The following PI4KA variants were observed in gnomAD, a reference collection of about 807,000 sequenced individuals.
PI4KA encodes the protein phosphatidylinositol 4-kinase alpha, also known as PI4-kinase alpha.
Under a neutral mutation model 271.4 loss-of-function variants are expected in PI4KA, and 122 were observed. That is an observed-to-expected ratio of 0.45 (90% confidence interval 0.39 to 0.52). PI4KA has a LOEUF of 0.52. Among genes scored for constraint, PI4KA ranks in the 20% least tolerant of loss-of-function variants. The pLI is 0.00. For missense variants in PI4KA, 1,969 were observed against 2,769.1 expected (o/e 0.71, Z 6.48); for synonymous variants, 1,041 against 1,078.8 (o/e 0.96, Z 0.69).
rs558511801 is a variant in PI4KA, at chr22:20,831,937, C to T, written c.367+2625G>A. The stretch of plus-strand genomic sequence containing the variant: ...GTTTTCCAAGTTGCTTATTTTCTCT[C>T]TCCCTATCTTTCAGGGACACCAATG... On this transcript the variant is annotated intron_variant, in intron 3 of 54. Coordinates refer to ENST00000255882, the MANE Select transcript of PI4KA (RefSeq NM_058004.4). 2.0e-5 allele frequency among the ~76,000 whole-genome samples: 3 copies of T among 152,212 alleles called. No individual in the cohort carries two copies. The South Asian group carries it at 6.2e-4, about 32-fold the overall frequency.
At chr22:20,770,985 A>G (rs1226761103) in intron 19 of PI4KA, among the ~76,000 whole-genome samples, 1 of 152,042 alleles carries the variant, frequency 6.6e-6, no homozygotes, top group East Asian at 1.9e-4. Context: ...TTCAAGACCA[A>G]CTTGGCCAAC....
At position 20,733,730 on chromosome 22, in the gene PI4KA, G is replaced by A. The variant is rs778704197; in HGVS notation, c.4160+6C>T. 1 of 1,613,858 alleles carries A rather than the reference G, an allele frequency of 6.2e-7. No homozygotes were observed. The highest frequency in any genetic ancestry group is 1.1e-5 in the South Asian group (1 of 91,058). On this transcript the variant is annotated splice_donor_region_variant and intron_variant, in intron 35 of 54. Coordinates refer to ENST00000255882, the MANE Select transcript of PI4KA (RefSeq NM_058004.4). ...GGACGCTGCACAGCACATCTTGGGG[G>A]AGTACCTGAAGTAGTCAAAGGCAGT...
At chr22:20,783,439 A>T in intron 19 of PI4KA, among the ~76,000 whole-genome samples, 1 of 148,368 alleles carries the variant, frequency 6.7e-6, no homozygotes, top group African/African-American at 2.5e-5. Context: ...TACAATTAAA[A>T]AAAAAAAAAA....
In PI4KA at chr22:20,858,669, G is replaced by A. The variant is rs1189328407; in HGVS notation, c.57C>T (p.Cys19=). ...GCGAGGCGCTGGAGCCGGAGCCGGA[G>A]CAGCCGCCGCCGCCTCCGCCTCCGC... ...GGGGGGGGGG[C]SGSGSSASRG... The change falls in exon 1 of 55, where the codon TGC becomes TGT. Residue 19 remains cysteine (C), a synonymous_variant. Coordinates refer to ENST00000255882, the MANE Select transcript of PI4KA (RefSeq NM_058004.4). 19 of 1,477,584 alleles carry A rather than the reference G, an allele frequency of 1.3e-5. No individual in the cohort carries two copies. Among genetic ancestry groups the A allele is most frequent in the East Asian group, 8.8e-5 (3 of 34,202 alleles). 91.5% of individuals were successfully genotyped at this position (1,477,584 alleles called of 1,614,324 possible).
intron 3 of PI4KA, among the ~76,000 whole-genome samples, chr22:20,829,378 T>C (rs1466002096): frequency 6.6e-6 from 1 of 152,184 alleles, no homozygotes; most frequent in African/African-American, 2.4e-5. Flanking sequence ...CTGGGTTTAG[T>C]CTTGGTAGGT....
intron 19 of PI4KA, chr22:20,787,162 A>G (rs1934313484): frequency 8.9e-7 from 1 of 1,118,264 alleles, no homozygotes; most frequent in Non-Finnish European, 1.3e-6. Flanking sequence ...TCATTTACGT[A>G]GTTTACGCTA....
intron 19 of PI4KA, among the ~76,000 whole-genome samples, chr22:20,771,328 C>T (rs1194098813): frequency 6.6e-6 from 1 of 151,498 alleles, no homozygotes; most frequent in Non-Finnish European, 1.5e-5. Context: ...GAGGCTGAGG[C>T]AGGAGAATGG....
At chr22:20,784,366 A>C in intron 19 of PI4KA, 6 of 1,312,198 alleles carry the variant, frequency 4.6e-6, no homozygotes, top group Non-Finnish European at 3.2e-6. Flanking sequence ...AAGAACTTCC[A>C]TACAGGGCCA....
chr22:20,750,832 A>G (rs143753339), intron 27 of PI4KA, among the ~76,000 whole-genome samples: 122 of 152,314 alleles, frequency 8.0e-4, no homozygotes, highest in African/African-American at 2.7e-3. Flanking sequence ...GACCCAGTAC[A>G]TCCTCCTCTT....
intron 9 of PI4KA, among the ~76,000 whole-genome samples, chr22:20,809,287 TA>T (rs1240401881): frequency 6.6e-6 from 1 of 152,118 alleles, no homozygotes; most frequent in Non-Finnish European, 1.5e-5. Flanking sequence ...TCCCCATATG[TA>T]AACTGGGGAT....
intron 7 of PI4KA, among the ~76,000 whole-genome samples, chr22:20,817,241 A>C (rs1921923668): frequency 6.6e-6 from 1 of 152,112 alleles, no homozygotes; most frequent in African/African-American, 2.4e-5. Flanking sequence ...CTTTTAACAA[A>C]TAGCATTATT....
chr22:20,854,153 G>A (rs548287320), intron 1 of PI4KA, among the ~76,000 whole-genome samples: 59 of 152,166 alleles, frequency 3.9e-4, no homozygotes, highest in African/African-American at 1.2e-3. Flanking sequence ...CAGAGTCTCC[G>A]TTTGTCGCCC....
At chr22:20,770,356 C>T (rs1315567727) in intron 19 of PI4KA, among the ~76,000 whole-genome samples, 1 of 151,170 alleles carries the variant, frequency 6.6e-6, no homozygotes, top group African/African-American at 2.4e-5. Flanking sequence ...CTACTAAAAA[C>T]ACAAAAATTA....
chr22:20,784,660 C>G (rs1345600812), intron 19 of PI4KA, among the ~76,000 whole-genome samples: 1 of 152,218 alleles, frequency 6.6e-6, no homozygotes, highest in Non-Finnish European at 1.5e-5. Context: ...AAGATTGGCT[C>G]AACTCTTCCC....
At chr22:20,741,748 G>C (rs1929485122) in intron 32 of PI4KA, among the ~76,000 whole-genome samples, 1 of 152,146 alleles carries the variant, frequency 6.6e-6, no homozygotes, top group Non-Finnish European at 1.5e-5. Flanking sequence ...ACAGTTAACA[G>C]AATCTTTGAA....
chr22:20,746,809 G>A (rs1475579828), intron 29 of PI4KA, among the ~76,000 whole-genome samples: 2 of 152,166 alleles, frequency 1.3e-5, no homozygotes, highest in East Asian at 1.9e-4. Context: ...AAAATGAGGC[G>A]AGAAGACACC....
chr22:20,762,143 C>T (rs1279581603), intron 22 of PI4KA, among the ~76,000 whole-genome samples: 1 of 152,136 alleles, frequency 6.6e-6, no homozygotes, highest in Non-Finnish European at 1.5e-5. Flanking sequence ...AGCGCATGCA[C>T]TTGTCCCATG....
At chr22:20,767,106 T>C (rs1462966279) in intron 19 of PI4KA, among the ~76,000 whole-genome samples, 4 of 152,078 alleles carry the variant, frequency 2.6e-5, no homozygotes, top group Non-Finnish European at 5.9e-5. Context: ...ACACTAGATG[T>C]CTACCTGAAA....
At chr22:20,748,697 T>C (rs1601399911) in intron 28 of PI4KA, among the ~76,000 whole-genome samples, 2 of 152,298 alleles carry the variant, frequency 1.3e-5, no homozygotes, top group Non-Finnish European at 2.9e-5. Flanking sequence ...ATTGTCTCAA[T>C]GGTTTTGGGG....
Sources: allele counts gnomAD v4.1 joint callset (sites outside exome capture counted in the v4.1 genomes callset), GRCh38; gene constraint gnomAD v4.1.1; transcripts MANE v1.5; gene names NCBI Gene and HGNC (gene_info 2026-07-23, HGNC 2026-07-21).